HMGXB4: variants seen among roughly 807,000 people sequenced by gnomAD.
HMGXB4 encodes the protein HMG-box containing 4, also known as HMG domain-containing protein 4.
A neutral mutation model predicts 63.9 loss-of-function variants in HMGXB4; 27 were observed. The observed-to-expected ratio is 0.42, with a 90% CI of 0.31 to 0.58. The LOEUF is 0.58. HMGXB4 is among the 20% of genes least tolerant of loss of function. The probability of loss-of-function intolerance (pLI) is 0.13; values close to 1 mark genes in which losing one functional copy is unlikely to be tolerated. For missense variants in HMGXB4, 624 were observed against 700.7 expected, an observed-to-expected ratio of 0.89 and a Z score of 1.24; for synonymous variants, 264 against 265.3, an observed-to-expected ratio of 0.99 and a Z score of 0.05.
At chr22:35,258,848 C>T (rs1256538510) in intron 1 of HMGXB4, among the ~76,000 whole-genome samples, 1 of 152,158 alleles carries the variant, frequency 6.6e-6, no homozygotes, top group Admixed American at 6.5e-5. Flanking sequence ...CATCCTGGAA[C>T]AGACCTGGAG....
chr22:35,294,492 G>T lies in HMGXB4; in HGVS notation c.*841G>T. The T allele has an allele frequency of 6.6e-6, 1 of 152,554 alleles. No homozygotes were observed. Among genetic ancestry groups the T allele is most frequent in the Non-Finnish European group, 1.5e-5 (1 of 68,006 alleles). The allele number at this position is 152,554 out of a possible 1,614,324, so 9.5% of individuals were successfully genotyped here. On this transcript the variant is annotated 3_prime_UTR_variant, in exon 11 of 11. Coordinates refer to ENST00000216106, the MANE Select transcript of HMGXB4 (RefSeq NM_001003681.3). ...AAGCCGTGCTGCTTAGTTGCTCGGT[G>T]GTTATGGATAAACTTTGCCCAGCAT...
the HMGXB4 span, among the ~76,000 whole-genome samples, chr22:35,243,098 C>T: frequency 1.4e-3 from 210 of 152,248 alleles, 1 homozygote; most frequent in African/African-American, 2.3e-3. Context: ...GGGCCAGGCG[C>T]GGTGGCTCAC....
upstream of HMGXB4, among the ~76,000 whole-genome samples, chr22:35,253,121 A>G (rs1156627803): frequency 7.4e-6 from 1 of 135,068 alleles, no homozygotes; most frequent in Non-Finnish European, 1.6e-5. Flanking sequence ...GACAAGAGCA[A>G]AACTCCATCT....
At chr22:35,270,116 C>T (rs922485651) in intron 5 of HMGXB4, among the ~76,000 whole-genome samples, 3 of 152,206 alleles carry the variant, frequency 2.0e-5, no homozygotes, top group Non-Finnish European at 4.4e-5. Context: ...GACCAGTAGC[C>T]GTCCGCGGCC....
the HMGXB4 span, among the ~76,000 whole-genome samples, chr22:35,247,737 G>GGTTT: frequency 0.056 from 8,544 of 151,730 alleles, 298 homozygotes; most frequent in African/African-American, 0.096. Flanking sequence ...TTTTTTTGCT[G>GGTTT]GTTTGTTTGT....
intron 1 of HMGXB4, among the ~76,000 whole-genome samples, chr22:35,259,843 C>T (rs1328092648): frequency 6.6e-6 from 1 of 152,202 alleles, no homozygotes; most frequent in East Asian, 1.9e-4. Context: ...AAATGCTCTT[C>T]AGTGTTTTTA....
At chr22:35,265,745 A>G in intron 5 of HMGXB4, 142 bp downstream of exon 5, 1 of 1,188,002 alleles carries the variant, frequency 8.4e-7, no homozygotes, top group South Asian at 1.7e-5. Context: ...GATATAAAGT[A>G]TAAAATATTA....
chr22:35,262,709 G>A (rs1203387105), intron 2 of HMGXB4: 5 of 523,014 alleles, frequency 9.6e-6, no homozygotes, highest in African/African-American at 5.8e-5. Flanking sequence ...CAGGAGTCTG[G>A]GGATAGGAAT....
chr22:35,251,100 A>G, the HMGXB4 span, among the ~76,000 whole-genome samples: 3 of 148,814 alleles, frequency 2.0e-5, no homozygotes, highest in African/African-American at 7.5e-5. Context: ...TTTGAGACGG[A>G]GTCTTGCTCT....
chr22:35,293,588 A>C lies in HMGXB4; in HGVS notation c.1762-19A>C. On this transcript the variant is annotated intron_variant, in intron 10 of 10. Coordinates refer to ENST00000216106, the MANE Select transcript of HMGXB4 (RefSeq NM_001003681.3). ...AAGGTACAGTACTCTTCAGTTGAAC[A>C]TTTTTCTTTGTTTTGCAGTCAAACA... 6.3e-7 allele frequency: 1 copy of C among 1,591,030 alleles called. No homozygotes were observed. Among genetic ancestry groups the C allele is most frequent in the East Asian group, 2.2e-5 (1 of 44,758 alleles).
intron 4 of HMGXB4, 164 bp downstream of exon 4, chr22:35,264,038 A>G (rs929331464): frequency 6.5e-7 from 1 of 1,548,662 alleles, no homozygotes; most frequent in South Asian, 1.2e-5. Flanking sequence ...AGAGAGGTGG[A>G]GGGCTGGTAT....
rs1034627544 is a variant in HMGXB4, at chr22:35,288,913, A to G, written c.1638+506A>G. ...TCCCAGCACTTTGGGAGGCTGAGGC[A>G]GGCGGATCACGAGGTCAGGAGTTCA... On this transcript the variant is annotated intron_variant, in intron 9 of 10. Coordinates refer to ENST00000216106, the MANE Select transcript of HMGXB4 (RefSeq NM_001003681.3). Among the ~76,000 whole-genome samples, 7 of 152,330 alleles carry G rather than the reference A, an allele frequency of 4.6e-5. 1 individual carries two copies. The highest frequency in any genetic ancestry group is 1.7e-4 in the African/African-American group (7 of 41,582).
chr22:35,281,515 C>A (rs1363601039), intron 5 of HMGXB4, among the ~76,000 whole-genome samples: 1 of 152,160 alleles, frequency 6.6e-6, no homozygotes, highest in Non-Finnish European at 1.5e-5. Context: ...AGTGTGACAG[C>A]TATAGTTAGC....
chr22:35,277,560 G>C lies in HMGXB4; in HGVS notation c.1216-6402G>C, dbSNP rs371253509. Among the ~76,000 whole-genome samples the C allele has an allele frequency of 2.2e-4, 34 of 152,264 alleles. No individual in the cohort carries two copies. The South Asian group carries it at 6.4e-3, about 29-fold the overall frequency. On this transcript the variant is annotated intron_variant, in intron 5 of 10. Coordinates refer to ENST00000216106, the MANE Select transcript of HMGXB4 (RefSeq NM_001003681.3). Reference sequence around the variant, plus strand: ...GATGGGGTTTCACCATATTGGCCAGGCTGTCTTGAACTGCTGACCTCAGGT... The same window carrying C: ...GATGGGGTTTCACCATATTGGCCAGCCTGTCTTGAACTGCTGACCTCAGGT...
At chr22:35,246,226 A>T in the HMGXB4 span, among the ~76,000 whole-genome samples, 2 of 151,782 alleles carry the variant, frequency 1.3e-5, no homozygotes, top group Non-Finnish European at 2.9e-5. Context: ...CACAGGTGGT[A>T]TGGGTCCACC....
intron 1 of HMGXB4, chr22:35,261,955 A>G (rs1007906341): frequency 3.5e-5 from 6 of 170,788 alleles, no homozygotes; most frequent in Middle Eastern, 2.8e-3. Flanking sequence ...TTACTTGTGT[A>G]TGTTGTAACC....
At chr22:35,268,783 A>G (rs188529745) in intron 5 of HMGXB4, among the ~76,000 whole-genome samples, 5 of 152,348 alleles carry the variant, frequency 3.3e-5, no homozygotes, top group Non-Finnish European at 7.4e-5. Context: ...TTATTAGTCT[A>G]TTAAACATAC....
chr22:35,257,844 G>A (rs1006213365), intron 1 of HMGXB4, among the ~76,000 whole-genome samples: 3 of 151,972 alleles, frequency 2.0e-5, no homozygotes, highest in African/African-American at 4.8e-5. Context: ...CCGCCCCGGG[G>A]GCCTGCGGAC....
chr22:35,282,377 C>T (rs546977496), intron 5 of HMGXB4, among the ~76,000 whole-genome samples: 2 of 152,094 alleles, frequency 1.3e-5, no homozygotes, highest in African/African-American at 4.8e-5. Flanking sequence ...GGGGTTTCAC[C>T]GTGTTAGCCA....
Sources: gnomAD v4.1 joint callset for allele counts (sites outside exome capture counted in the v4.1 genomes callset) on GRCh38, gnomAD v4.1.1 for gene constraint, MANE v1.5 for transcripts, NCBI Gene and HGNC (gene_info 2026-07-23, HGNC 2026-07-21) for gene names.